MBD5: variants seen among roughly 807,000 people sequenced by gnomAD.
MBD5 encodes methyl-CpG-binding domain protein 5.
A neutral mutation model predicts 117.3 loss-of-function variants in MBD5; 13 were observed. The ratio of observed to expected loss-of-function variants is 0.11; its 90% CI spans 0.07 to 0.18. The LOEUF is 0.18. Among genes scored for constraint, MBD5 ranks in the 10% least tolerant of loss-of-function variants. The pLI is 1.00. For synonymous variants in MBD5, 727 were observed against 766.4 expected (o/e 0.95, Z 0.85); for missense variants, 1,879 against 2,093.8 (o/e 0.90, Z 2.00).
chr2:148,502,373 A>G (rs1574497563), intron 11 of MBD5, 63 bp from the exon 12 acceptor site: 1 of 1,509,442 alleles, frequency 6.6e-7, no homozygotes, highest in Non-Finnish European at 9.2e-7. Context: ...GCAGGAAAGT[A>G]AAAACCGTGT....
intron 2 of MBD5, among the ~76,000 whole-genome samples, chr2:148,221,627 T>A (rs1332707628): frequency 1.3e-5 from 2 of 152,086 alleles, no homozygotes; most frequent in Non-Finnish European, 2.9e-5. Flanking sequence ...TTTTTTCCCA[T>A]AGAGTTGAGC....
chr2:148,336,901 A>G (rs929809921), intron 3 of MBD5, among the ~76,000 whole-genome samples: 1 of 152,110 alleles, frequency 6.6e-6, no homozygotes, highest in Non-Finnish European at 1.5e-5. Context: ...ATCCACTGCC[A>G]TGGTCCTTGC....
chr2:148,248,766 G>A (rs1303064108), intron 3 of MBD5, among the ~76,000 whole-genome samples: 1 of 152,084 alleles, frequency 6.6e-6, no homozygotes, highest in African/African-American at 2.4e-5. Context: ...TTAGTAGAGT[G>A]TGATACTGGT....
chr2:148,290,651 A>G (rs969675216), intron 3 of MBD5, among the ~76,000 whole-genome samples: 1 of 152,174 alleles, frequency 6.6e-6, no homozygotes. Context: ...TACTCAGTAC[A>G]GTATTTTTAA....
intron 4 of MBD5, among the ~76,000 whole-genome samples, chr2:148,424,258 A>G (rs1705708690): frequency 6.6e-6 from 1 of 150,746 alleles, no homozygotes; most frequent in East Asian, 2.0e-4. Flanking sequence ...AACAGACTTT[A>G]AACCAACAAA....
chr2:148,043,880 T>G (rs1416213735), intron 1 of MBD5, among the ~76,000 whole-genome samples: 1 of 152,254 alleles, frequency 6.6e-6, no homozygotes, highest in African/African-American at 2.4e-5. Context: ...TCTAAAAATG[T>G]ATCTGCAGTT....
chr2:148,065,533 G>T (rs1216828060), intron 1 of MBD5, among the ~76,000 whole-genome samples: 1 of 152,094 alleles, frequency 6.6e-6, no homozygotes, highest in Admixed American at 6.5e-5. Context: ...ATGAGCATTT[G>T]AAATCATCAT....
In MBD5 at chr2:148,272,800, A is replaced by G. The variant is rs576584613; in HGVS notation, c.-680+39405A>G. On this transcript the variant is annotated intron_variant, in intron 3 of 13. Coordinates refer to ENST00000642680, the MANE Select transcript of MBD5 (RefSeq NM_001378120.1). The stretch of plus-strand genomic sequence containing the variant: ...TTTTTAGTTTGATATAATTCCATTT[A>G]TCTATTTTTACTTTTTGTTGTCTGT... 5.3e-5 allele frequency among the ~76,000 whole-genome samples: 8 copies of G among 152,102 alleles called. 1 individual carries two copies. In the South Asian group the frequency reaches 1.7e-3, roughly 32 times the overall value.
intron 1 of MBD5, among the ~76,000 whole-genome samples, chr2:148,152,840 C>G (rs922991958): frequency 6.6e-6 from 1 of 151,738 alleles, no homozygotes; most frequent in African/African-American, 2.4e-5. Flanking sequence ...TGTCTCTGCA[C>G]GTGAGATGGG....
intron 1 of MBD5, among the ~76,000 whole-genome samples, chr2:148,075,899 C>T (rs530789322): frequency 1.2e-4 from 19 of 152,146 alleles, no homozygotes; most frequent in Non-Finnish European, 2.4e-4. Context: ...AGCTTGGAAT[C>T]GTATCCAGTT....
At chr2:148,347,678 A>G (rs1383278194) in intron 4 of MBD5, 1 of 152,052 alleles carries the variant, frequency 6.6e-6, no homozygotes, top group Non-Finnish European at 1.5e-5. Context: ...TAAGGGGTCC[A>G]CAAAAATGTT....
intron 1 of MBD5, chr2:148,045,035 C>T (rs948936915): frequency 1.3e-5 from 2 of 152,094 alleles, no homozygotes; most frequent in Admixed American, 6.5e-5. Context: ...TCCTCAGTGG[C>T]GCACACGTGC....
intron 3 of MBD5, among the ~76,000 whole-genome samples, chr2:148,332,987 A>G (rs988130406): frequency 6.6e-6 from 1 of 151,944 alleles, no homozygotes; most frequent in Non-Finnish European, 1.5e-5. Context: ...CTTTACTTGC[A>G]GGGAGATCTG....
intron 1 of MBD5, among the ~76,000 whole-genome samples, chr2:148,154,229 G>T (rs547811965): frequency 1.1e-3 from 170 of 152,016 alleles, no homozygotes; most frequent in Middle Eastern, 0.01. Flanking sequence ...CTGCTGGGGG[G>T]TGCCTCCCAG....
chr2:148,246,024 A>G (rs1022403887), intron 3 of MBD5, among the ~76,000 whole-genome samples: 1 of 152,192 alleles, frequency 6.6e-6, no homozygotes, highest in African/African-American at 2.4e-5. Context: ...ATGAGGTTTC[A>G]TGTAGTTATT....
intron 1 of MBD5, among the ~76,000 whole-genome samples, chr2:148,150,442 A>G (rs981045755): frequency 8.5e-5 from 13 of 152,200 alleles, no homozygotes; most frequent in African/African-American, 3.1e-4. Context: ...TTGGTTCCAT[A>G]TGAACTTTAA....
chr2:148,090,343 A>T (rs900020419), intron 1 of MBD5, among the ~76,000 whole-genome samples: 1 of 152,112 alleles, frequency 6.6e-6, no homozygotes, highest in African/African-American at 2.4e-5. Context: ...CATTCTATGA[A>T]GCCAGTATCA....
intron 1 of MBD5, among the ~76,000 whole-genome samples, chr2:148,151,851 G>C (rs1697680495): frequency 6.6e-6 from 1 of 151,692 alleles, no homozygotes; most frequent in Non-Finnish European, 1.5e-5. Flanking sequence ...TATTCGTCTT[G>C]CTAGCGGTCT....
intron 1 of MBD5, among the ~76,000 whole-genome samples, chr2:148,139,426 G>A (rs1697254663): frequency 6.6e-6 from 1 of 152,186 alleles, no homozygotes; most frequent in African/African-American, 2.4e-5. Flanking sequence ...AGCTGGTCTC[G>A]AAATCCTGAC....
Sources: allele counts gnomAD v4.1 joint callset (sites outside exome capture counted in the v4.1 genomes callset), GRCh38; gene constraint gnomAD v4.1.1; transcripts MANE v1.5; gene names NCBI Gene and HGNC (gene_info 2026-07-23, HGNC 2026-07-21).